The following CACNB2 variants were observed in gnomAD, a reference collection of about 807,000 sequenced individuals.
CACNB2 encodes the protein voltage-dependent L-type calcium channel subunit beta-2.
CACNB2 carries 42 observed loss-of-function variants against 73.3 expected under a neutral mutation model. That is an observed-to-expected ratio of 0.57 (90% CI 0.45 to 0.74). The LOEUF (loss-of-function observed/expected upper bound fraction) is 0.74, where lower values mean the gene tolerates loss of function less well. Ranked by LOEUF, CACNB2 falls within the 30% of genes least tolerant of loss-of-function variation. The pLI is 0.00. For missense variants in CACNB2, 940 were observed against 853.0 expected, an observed-to-expected ratio of 1.10 and a Z score of -1.27; for synonymous variants, 348 against 310.3, an observed-to-expected ratio of 1.12 and a Z score of -1.28.
At chr10:18,339,349 C>G (rs547650539) in intron 2 of CACNB2, among the ~76,000 whole-genome samples, 1 of 151,996 alleles carries the variant, frequency 6.6e-6, no homozygotes, top group Non-Finnish European at 1.5e-5. Flanking sequence ...GCTGAAACCC[C>G]GTAACTACTA....
intron 2 of CACNB2, chr10:18,400,974 G>A (rs555244679): frequency 6.2e-7 from 1 of 1,612,688 alleles, no homozygotes; most frequent in Non-Finnish European, 8.5e-7. Flanking sequence ...GGCTCAGCGC[G>A]CACTGAGAAC....
chr10:18,440,306 G>T (rs1230065309), intron 3 of CACNB2, among the ~76,000 whole-genome samples: 1 of 152,094 alleles, frequency 6.6e-6, no homozygotes, highest in Non-Finnish European at 1.5e-5. Flanking sequence ...TATGAATTTT[G>T]GGGGAACATG....
intron 2 of CACNB2, among the ~76,000 whole-genome samples, chr10:18,265,340 C>T (rs556023415): frequency 6.6e-6 from 1 of 152,090 alleles, no homozygotes; most frequent in South Asian, 2.1e-4. Context: ...ACCATATTGG[C>T]CAGGCTGGTC....
intron 3 of CACNB2, among the ~76,000 whole-genome samples, chr10:18,451,536 G>A (rs1355022186): frequency 1.3e-5 from 2 of 152,196 alleles, no homozygotes; most frequent in African/African-American, 4.8e-5. Context: ...CTGATTTGGT[G>A]TATATTAGGA....
intron 2 of CACNB2, among the ~76,000 whole-genome samples, chr10:18,392,635 G>C (rs553154732): frequency 6.6e-6 from 1 of 152,102 alleles, no homozygotes; most frequent in Non-Finnish European, 1.5e-5. Context: ...AAATAATCAC[G>C]TGAGTTTGCT....
At chr10:18,400,872 T>TG in intron 2 of CACNB2, 2 of 1,521,888 alleles carry the variant, frequency 1.3e-6, no homozygotes, top group Non-Finnish European at 1.8e-6. Context: ...GGGAGTCCTC[T>TG]GGGGCAGGGA....
chr10:18,518,645 G>T (rs942517179), intron 8 of CACNB2, among the ~76,000 whole-genome samples: 1 of 152,188 alleles, frequency 6.6e-6, no homozygotes, highest in Non-Finnish European at 1.5e-5. Flanking sequence ...GCTAGCTGCA[G>T]TGTACTCAGT....
intron 2 of CACNB2, among the ~76,000 whole-genome samples, chr10:18,252,746 A>C (rs992987878): frequency 1.3e-5 from 2 of 152,224 alleles, no homozygotes; most frequent in African/African-American, 4.8e-5. Flanking sequence ...CATAAAATGA[A>C]TTTTCCAATT....
At chr10:18,213,293 A>C (rs1217783820) in intron 2 of CACNB2, among the ~76,000 whole-genome samples, 1 of 152,114 alleles carries the variant, frequency 6.6e-6, no homozygotes, top group African/African-American at 2.4e-5. Flanking sequence ...TGGTTTTCTC[A>C]CGTGTTAAGC....
At chr10:18,309,647 A>T (rs1378556032) in intron 2 of CACNB2, among the ~76,000 whole-genome samples, 1 of 151,964 alleles carries the variant, frequency 6.6e-6, no homozygotes, top group Non-Finnish European at 1.5e-5. Context: ...TAGTAGAGAC[A>T]GCGTTTCACC....
intron 2 of CACNB2, among the ~76,000 whole-genome samples, chr10:18,324,064 T>G (rs1286869661): frequency 6.6e-6 from 1 of 152,164 alleles, no homozygotes; most frequent in Non-Finnish European, 1.5e-5. Flanking sequence ...GTGTAATGGC[T>G]AGGAAGGCAA....
At chr10:18,336,909 A>G (rs1280444998) in intron 2 of CACNB2, among the ~76,000 whole-genome samples, 1 of 152,234 alleles carries the variant, frequency 6.6e-6, no homozygotes, top group Non-Finnish European at 1.5e-5. Flanking sequence ...AACCCATTGT[A>G]GAAAGTTTGA....
chr10:18,233,071 C>T (rs2036284913), intron 2 of CACNB2, among the ~76,000 whole-genome samples: 1 of 152,102 alleles, frequency 6.6e-6, no homozygotes, highest in Non-Finnish European at 1.5e-5. Context: ...GGTGACAGGG[C>T]AAGACCCTGT....
At chr10:18,178,151 G>A (rs562861986) in intron 2 of CACNB2, among the ~76,000 whole-genome samples, 3 of 152,026 alleles carry the variant, frequency 2.0e-5, no homozygotes, top group Non-Finnish European at 4.4e-5. Context: ...GTTGAATTCG[G>A]GTAATGTAGA....
chr10:18,345,933 T>C (rs11013738), intron 2 of CACNB2, among the ~76,000 whole-genome samples: 9,728 of 152,250 alleles, frequency 0.064, 720 homozygotes, highest in African/African-American at 0.18. Context: ...GCACGCTTAG[T>C]ATGAAAAGTG....
intron 2 of CACNB2, among the ~76,000 whole-genome samples, chr10:18,254,777 A>G (rs1391782257): frequency 6.6e-6 from 1 of 152,242 alleles, no homozygotes; most frequent in African/African-American, 2.4e-5. Context: ...AAATAGAAGT[A>G]CACTGGCACT....
intron 2 of CACNB2, among the ~76,000 whole-genome samples, chr10:18,323,997 T>A (rs1318790385): frequency 1.3e-5 from 2 of 152,184 alleles, no homozygotes; most frequent in African/African-American, 4.8e-5. Context: ...GATAAAACAT[T>A]ACACAAAATG....
chr10:18,339,318 C>T (rs1015722118), intron 2 of CACNB2, among the ~76,000 whole-genome samples: 2 of 151,960 alleles, frequency 1.3e-5, no homozygotes, highest in African/African-American at 4.8e-5. Flanking sequence ...GTCAGGAGTT[C>T]GAGACTAGCC....
chr10:18,155,489 T>C (rs1023319824), intron 2 of CACNB2, among the ~76,000 whole-genome samples: 2 of 152,224 alleles, frequency 1.3e-5, no homozygotes, highest in African/African-American at 4.8e-5. Context: ...CCATTTCCAG[T>C]TGAGGGAACT....
Sources: allele counts gnomAD v4.1 joint callset (sites outside exome capture counted in the v4.1 genomes callset), GRCh38; gene constraint gnomAD v4.1.1; transcripts MANE v1.5; gene names NCBI Gene and HGNC (gene_info 2026-07-23, HGNC 2026-07-21).